KIF6: variants seen among roughly 807,000 people sequenced by gnomAD.
KIF6 encodes the protein kinesin family member 6.
In KIF6, 106 loss-of-function variants were observed where a neutral mutation model predicts 112.7. That is an observed-to-expected ratio of 0.94 (90% CI 0.80 to 1.11). The LOEUF is 1.11. KIF6 is among the 50% of genes least tolerant of loss of function. KIF6 has a pLI of 0.00. For missense variants in KIF6, 929 were observed against 964.0 expected (o/e 0.96, Z 0.48); for synonymous variants, 339 against 339.9 (o/e 1.00, Z 0.03).
chr6:39,703,475 G>C (rs1173541049), intron 3 of KIF6, among the ~76,000 whole-genome samples: 1 of 152,074 alleles, frequency 6.6e-6, no homozygotes. Context: ...AATTAGGTGA[G>C]ATAATATACG....
At chr6:39,620,750 T>TTTTATTTATTTATTTATTTA (rs71543964) in intron 5 of KIF6, among the ~76,000 whole-genome samples, 54 of 148,626 alleles carry the variant, frequency 3.6e-4, no homozygotes, top group African/African-American at 1.2e-3. Context: ...CTTAACAACA[T>TTTTATTTATTTATTTATTTA]TTTATTTATT....
intron 15 of KIF6, among the ~76,000 whole-genome samples, chr6:39,412,912 A>G (rs924864529): frequency 1.3e-5 from 2 of 151,978 alleles, no homozygotes; most frequent in Non-Finnish European, 2.9e-5. Context: ...TCATGTCTCC[A>G]TCTCTCAGCA....
intron 13 of KIF6, among the ~76,000 whole-genome samples, chr6:39,441,692 G>C (rs1019727921): frequency 6.6e-6 from 1 of 152,214 alleles, no homozygotes; most frequent in Non-Finnish European, 1.5e-5. Flanking sequence ...CCAGAGATCA[G>C]ATCTTTTGGG....
chr6:39,470,841 T>C (rs776140026), intron 13 of KIF6, among the ~76,000 whole-genome samples: 1 of 152,226 alleles, frequency 6.6e-6, no homozygotes, highest in Non-Finnish European at 1.5e-5. Flanking sequence ...TCTGTATTCC[T>C]CTACCCACTG....
chr6:39,712,764 G>T (rs1789630032), intron 3 of KIF6, among the ~76,000 whole-genome samples: 1 of 152,058 alleles, frequency 6.6e-6, no homozygotes, highest in Non-Finnish European at 1.5e-5. Flanking sequence ...AAAACACTTG[G>T]ACACAGGGTG....
chr6:39,583,164 A>C (rs1198268094), intron 9 of KIF6: 4 of 260,986 alleles, frequency 1.5e-5, no homozygotes, highest in Non-Finnish European at 3.1e-5. Context: ...ACAAACAAAA[A>C]CAAAACCCTC....
At chr6:39,561,951 C>T (rs944523558) in intron 10 of KIF6, among the ~76,000 whole-genome samples, 13 of 152,134 alleles carry the variant, frequency 8.5e-5, no homozygotes, top group African/African-American at 2.9e-4. Flanking sequence ...TGATACTGAC[C>T]GAAACAAGAA....
intron 3 of KIF6, among the ~76,000 whole-genome samples, chr6:39,710,196 G>A (rs1444956644): frequency 6.6e-6 from 1 of 152,148 alleles, no homozygotes; most frequent in Non-Finnish European, 1.5e-5. Flanking sequence ...GCTTGGATTA[G>A]GGACAGTAAG....
At chr6:39,341,850 A>G (rs955134338) in intron 22 of KIF6, among the ~76,000 whole-genome samples, 2 of 152,134 alleles carry the variant, frequency 1.3e-5, no homozygotes, top group African/African-American at 2.4e-5. Flanking sequence ...CCAAGCCACA[A>G]TCATCCCTTG....
chr6:39,697,541 C>CTTTTT (rs35838361), intron 3 of KIF6, among the ~76,000 whole-genome samples: 1 of 131,478 alleles, frequency 7.6e-6, no homozygotes, highest in Non-Finnish European at 1.7e-5. Flanking sequence ...TTTATCCTTT[C>CTTTTT]TTTTTTTTTT....
At chr6:39,480,716 T>C (rs1774743115) in intron 13 of KIF6, among the ~76,000 whole-genome samples, 1 of 152,174 alleles carries the variant, frequency 6.6e-6, no homozygotes, top group Non-Finnish European at 1.5e-5. Context: ...ATTTTTTTAT[T>C]ATCATTTTAG....
At chr6:39,683,445 A>G (rs1004458975) in intron 3 of KIF6, among the ~76,000 whole-genome samples, 1 of 152,196 alleles carries the variant, frequency 6.6e-6, no homozygotes, top group African/African-American at 2.4e-5. Context: ...ACAGATTTGG[A>G]TAAAGAGGAT....
chr6:39,575,968 T>C (rs1274813074), intron 10 of KIF6, among the ~76,000 whole-genome samples: 2 of 152,190 alleles, frequency 1.3e-5, no homozygotes, highest in Non-Finnish European at 2.9e-5. Flanking sequence ...GAGATCCATG[T>C]GTTTATCCCA....
At chr6:39,671,002 G>A (rs1441556248) in intron 3 of KIF6, among the ~76,000 whole-genome samples, 1 of 152,160 alleles carries the variant, frequency 6.6e-6, no homozygotes, top group Non-Finnish European at 1.5e-5. Flanking sequence ...AATTCCATAT[G>A]TATTTTGCAC....
At chr6:39,462,250 G>A (rs1773523508) in intron 13 of KIF6, among the ~76,000 whole-genome samples, 2 of 152,294 alleles carry the variant, frequency 1.3e-5, no homozygotes, top group South Asian at 4.1e-4. Flanking sequence ...ACAAACTCAA[G>A]AGGAGAACTT....
intron 13 of KIF6, among the ~76,000 whole-genome samples, chr6:39,490,656 A>T (rs1775427049): frequency 6.6e-6 from 1 of 152,224 alleles, no homozygotes; most frequent in Non-Finnish European, 1.5e-5. Flanking sequence ...GAGAAGTCAG[A>T]GCACACCCTA....
At position 39,337,381 on chromosome 6, in the gene KIF6, C is replaced by T. The variant is rs908986325; in HGVS notation, c.2429-833G>A. On this transcript the variant is annotated intron_variant, in intron 22 of 22. Coordinates refer to ENST00000287152, the MANE Select transcript of KIF6 (RefSeq NM_145027.6). ...AGGCTGGAGTGCAGTGGCACAATCT[C>T]GGCTCACTGCAACCTCTGCCTCCGG... 5.3e-5 allele frequency among the ~76,000 whole-genome samples: 8 copies of T among 150,546 alleles called. No homozygotes were observed. In the South Asian group the frequency reaches 8.5e-4, roughly 16 times the overall value.
intron 13 of KIF6, among the ~76,000 whole-genome samples, chr6:39,537,569 A>G (rs1233513436): frequency 2.0e-5 from 3 of 151,936 alleles, no homozygotes; most frequent in Admixed American, 6.6e-5. Flanking sequence ...ATAAAAGAGG[A>G]TACAAACAAA....
At chr6:39,620,499 T>C (rs1405806497) in intron 5 of KIF6, 5 of 152,206 alleles carry the variant, frequency 3.3e-5, no homozygotes, top group Non-Finnish European at 7.3e-5. Context: ...TACTACATTT[T>C]AAAAGTTCTG....
Sources: gnomAD v4.1 joint callset for allele counts (sites outside exome capture counted in the v4.1 genomes callset) on GRCh38, gnomAD v4.1.1 for gene constraint, MANE v1.5 for transcripts, NCBI Gene and HGNC (gene_info 2026-07-23, HGNC 2026-07-21) for gene names.